The following PHC3 variants were observed in gnomAD, a reference collection of about 807,000 sequenced individuals.
PHC3 encodes polyhomeotic-like protein 3.
PHC3 carries 13 observed loss-of-function variants against 107.4 expected under a neutral mutation model. The ratio of observed to expected loss-of-function variants is 0.12; its 90% CI spans 0.08 to 0.19. The LOEUF (loss-of-function observed/expected upper bound fraction) is 0.19. Ranked by LOEUF, PHC3 falls within the 10% of genes least tolerant of loss-of-function variation. PHC3 has a pLI of 1.00. For missense variants in PHC3, 992 were observed against 1,210.9 expected, an observed-to-expected ratio of 0.82 and a Z score of 2.68; for synonymous variants, 456 against 427.4, an observed-to-expected ratio of 1.07 and a Z score of -0.83.
chr3:170,110,605 G>A (rs1035361771), intron 11 of PHC3, among the ~76,000 whole-genome samples: 9 of 152,068 alleles, frequency 5.9e-5, no homozygotes, highest in African/African-American at 1.7e-4. Context: ...TAGCTCCTTC[G>A]TTACCTTTCT....
intron 5 of PHC3, among the ~76,000 whole-genome samples, chr3:170,146,239 G>T (rs367545177): frequency 9.9e-5 from 15 of 151,856 alleles, no homozygotes; most frequent in African/African-American, 3.4e-4. Context: ...GCCGGGTGTG[G>T]TGGCTCATGC....
In PHC3 at chr3:170,097,394, G is replaced by T; in HGVS notation, c.2834-10C>A. ...GCGATATCCTGGCAGCCTGGAATTTGACCAGAGGACAGAAGTTAGAATTAA... is the reference window on the plus strand; with the variant it reads ...GCGATATCCTGGCAGCCTGGAATTTTACCAGAGGACAGAAGTTAGAATTAA... On this transcript the variant is annotated splice_polypyrimidine_tract_variant and intron_variant, in intron 14 of 14. Coordinates refer to ENST00000495893, the MANE Select transcript of PHC3 (RefSeq NM_024947.4). The surrounding 1 kb of genome is among the most constrained non-coding windows in gnomAD (Gnocchi z 4.1). 6.2e-7 allele frequency: 1 copy of T among 1,610,924 alleles called. No homozygotes were observed. Among genetic ancestry groups the T allele is most frequent in the South Asian group, 1.1e-5 (1 of 90,784 alleles).
intron 5 of PHC3, 195 bp downstream of exon 5, chr3:170,148,891 C>T: frequency 4.0e-6 from 2 of 499,076 alleles, no homozygotes; most frequent in South Asian, 7.1e-5. Context: ...CTATTTGATA[C>T]CAAGAAGACC....
chr3:170,134,318 T>C (rs1722716283), intron 7 of PHC3, among the ~76,000 whole-genome samples: 2 of 151,942 alleles, frequency 1.3e-5, no homozygotes, highest in African/African-American at 4.8e-5. Context: ...GCCTCCCATG[T>C]AGCTGGGACT....
chr3:170,122,570 CA>C lies in PHC3; in HGVS notation c.1942+20del. The C allele has an allele frequency of 6.2e-7, 1 of 1,611,332 alleles. No individual in the cohort carries two copies. Among genetic ancestry groups the C allele is most frequent in the Non-Finnish European group, 8.5e-7 (1 of 1,177,626 alleles). On this transcript the variant is annotated intron_variant, in intron 9 of 14. Coordinates refer to ENST00000495893, the MANE Select transcript of PHC3 (RefSeq NM_024947.4). The stretch of plus-strand genomic sequence containing the variant: ...CATTTATCAAATAGAAAAATTCCCA[CA>C]AATTTTGGTATTTTCTCACCTAACA...
chr3:170,174,673 A>G (rs1398568408), intron 2 of PHC3, among the ~76,000 whole-genome samples: 2 of 152,186 alleles, frequency 1.3e-5, no homozygotes, highest in African/African-American at 4.8e-5. Flanking sequence ...CCTTTTATCT[A>G]AACTTCAAGA....
At chr3:170,150,660 C>A (rs1577173631) in intron 4 of PHC3, 2 of 343,454 alleles carry the variant, frequency 5.8e-6, no homozygotes, top group Middle Eastern at 1.4e-3. Flanking sequence ...TTGCAGTGAG[C>A]CGAGATTGCG....
chr3:170,178,426 C>T (rs1191168816), intron 2 of PHC3, among the ~76,000 whole-genome samples: 2 of 152,178 alleles, frequency 1.3e-5, no homozygotes, highest in African/African-American at 4.8e-5. Flanking sequence ...CCACCGCGCC[C>T]GGCCGACTAA....
chr3:170,150,942 G>A (rs1426416302), intron 4 of PHC3, among the ~76,000 whole-genome samples: 1 of 152,052 alleles, frequency 6.6e-6, no homozygotes, highest in Non-Finnish European at 1.5e-5. Flanking sequence ...GCCGGGTGAG[G>A]TGGCTCCAGC....
chr3:170,145,539 C>CA lies in PHC3; in HGVS notation c.574-19dup, dbSNP rs536626110. 216 of 1,569,568 alleles carry CA rather than the reference C, an allele frequency of 1.4e-4. 1 individual carries two copies. In the East Asian group the frequency reaches 4.3e-3, roughly 31 times the overall value. The stretch of plus-strand genomic sequence containing the variant: ...AAAATCAGCTGTACAGACAGAAAAC[C>CA]AAAAAAATACCCTAAGACAAAAGAA... On this transcript the variant is annotated intron_variant, in intron 5 of 14. Coordinates refer to ENST00000495893, the MANE Select transcript of PHC3 (RefSeq NM_024947.4).
intron 9 of PHC3, among the ~76,000 whole-genome samples, chr3:170,121,828 C>T (rs1424838624): frequency 2.0e-5 from 3 of 152,170 alleles, no homozygotes; most frequent in Admixed American, 6.5e-5. Context: ...TAGAAATAGT[C>T]TGACACATGA....
intron 7 of PHC3, among the ~76,000 whole-genome samples, chr3:170,133,051 A>G (rs1358103570): frequency 6.6e-6 from 1 of 152,218 alleles, no homozygotes; most frequent in Non-Finnish European, 1.5e-5. Flanking sequence ...TGTATACTAT[A>G]ATAATTAGAC....
intron 4 of PHC3, among the ~76,000 whole-genome samples, chr3:170,158,626 GA>G (rs200803020): frequency 0.018 from 2,643 of 143,148 alleles, 45 homozygotes; most frequent in African/African-American, 0.045. Flanking sequence ...TTCAAAAAAA[GA>G]AAAAAAAAAA....
At chr3:170,168,932 C>T (rs564528609) in intron 4 of PHC3, among the ~76,000 whole-genome samples, 4 of 150,910 alleles carry the variant, frequency 2.7e-5, no homozygotes, top group African/African-American at 9.7e-5. Context: ...GAAATCCTTG[C>T]GACCAGAAGT....
rs772393368 is a variant in PHC3, at chr3:170,136,683, GA to G, written c.673-19del. The G allele has an allele frequency of 3.1e-6, 5 of 1,609,324 alleles. No homozygotes were observed. Among genetic ancestry groups the G allele is most frequent in the South Asian group, 2.2e-5 (2 of 90,270 alleles). ...TTCTGAACCTAAGAACCACATAACA[GA>G]AAATTAGGATGAAAACAGATGGTTT... On this transcript the variant is annotated intron_variant, in intron 6 of 14. Transcript: ENST00000495893.
intron 7 of PHC3, 138 bp from the exon 8 acceptor site, chr3:170,129,690 T>A: frequency 2.0e-6 from 2 of 1,012,104 alleles, no homozygotes; most frequent in Non-Finnish European, 2.8e-6. Context: ...ACAAGAGTAA[T>A]TTGAAAAAAA....
chr3:170,156,750 C>T (rs1726966099), intron 4 of PHC3, among the ~76,000 whole-genome samples: 1 of 151,870 alleles, frequency 6.6e-6, no homozygotes, highest in Non-Finnish European at 1.5e-5. Flanking sequence ...GGGCTTGCTA[C>T]CATGCCTGGC....
At chr3:170,110,516 C>T (rs1368225410) in intron 11 of PHC3, among the ~76,000 whole-genome samples, 2 of 152,120 alleles carry the variant, frequency 1.3e-5, no homozygotes, top group African/African-American at 4.8e-5. Flanking sequence ...TATAGGAAAC[C>T]CACCAAACTA....
chr3:170,165,753 CAAAAAAAAAAAA>C (rs1201987701), intron 4 of PHC3, among the ~76,000 whole-genome samples: 7 of 41,076 alleles, frequency 1.7e-4, no homozygotes, highest in South Asian at 1.1e-3. Context: ...GACCTTGTCT[CAAAAAAAAAAAA>C]AAAAAAAAAA....
Sources: gnomAD v4.1 joint callset for allele counts (sites outside exome capture counted in the v4.1 genomes callset) on GRCh38, gnomAD v4.1.1 for gene constraint, Gnocchi (gnomAD v3.1) non-coding constraint, MANE v1.5 for transcripts, NCBI Gene and HGNC (gene_info 2026-07-23, HGNC 2026-07-21) for gene names.